SAMD5: variants seen among roughly 807,000 people sequenced by gnomAD.
The protein encoded by SAMD5 is sterile alpha motif domain-containing protein 5.
Under a neutral mutation model 11.3 loss-of-function variants are expected in SAMD5, and 13 were observed. That is an observed-to-expected ratio of 1.15 (90% CI 0.75 to 1.83). SAMD5 has a LOEUF of 1.83. Among genes scored for constraint, SAMD5 ranks in the 40% most tolerant of loss-of-function variants. The pLI, the probability that SAMD5 is intolerant of heterozygous loss-of-function variation, is 0.00. For missense variants in SAMD5, 255 were observed against 239.1 expected (o/e 1.07, Z -0.44); for synonymous variants, 129 against 111.3 (o/e 1.16, Z -1.00).
chr6:147,609,426 C>T (rs1209139615), intron 1 of SAMD5, among the ~76,000 whole-genome samples: 7 of 152,232 alleles, frequency 4.6e-5, no homozygotes, highest in Non-Finnish European at 2.9e-5. Flanking sequence ...CAATCAATCT[C>T]TGTTGTTTAA....
At chr6:147,663,791 CAA>C (rs199707045) in intron 1 of SAMD5, among the ~76,000 whole-genome samples, 5,621 of 82,850 alleles carry the variant, frequency 0.068, 68 homozygotes, top group African/African-American at 0.12. Context: ...AACTCTGTCT[CAA>C]AAAAAAAAAA....
At chr6:147,625,201 G>C (rs768046218) in intron 1 of SAMD5, among the ~76,000 whole-genome samples, 9 of 152,196 alleles carry the variant, frequency 5.9e-5, no homozygotes, top group Non-Finnish European at 8.8e-5. Flanking sequence ...GTCTCCCAGG[G>C]ATAATGGAAT....
chr6:147,865,433 A>T, the SAMD5 span, among the ~76,000 whole-genome samples: 1 of 152,162 alleles, frequency 6.6e-6, no homozygotes, highest in East Asian at 1.9e-4. Context: ...GCCCCGGATC[A>T]GGCCACCTGA....
chr6:147,754,710 C>T, the SAMD5 span, among the ~76,000 whole-genome samples: 2 of 152,064 alleles, frequency 1.3e-5, no homozygotes, highest in African/African-American at 4.8e-5. Context: ...AGATTTAAGT[C>T]TTTAATCTAT....
downstream of SAMD5, among the ~76,000 whole-genome samples, chr6:147,573,577 T>G (rs1789170082): frequency 1.3e-5 from 2 of 152,194 alleles, no homozygotes; most frequent in African/African-American, 4.8e-5. Context: ...TGTCACCATG[T>G]GACCTTACAT....
At chr6:147,904,694 A>G in the SAMD5 span, among the ~76,000 whole-genome samples, 2 of 152,160 alleles carry the variant, frequency 1.3e-5, no homozygotes. Flanking sequence ...AGCTAAGCTA[A>G]GGAGCCTGGG....
chr6:147,547,088 T>C (rs1447441568), intron 1 of SAMD5, among the ~76,000 whole-genome samples: 1 of 152,192 alleles, frequency 6.6e-6, no homozygotes. Context: ...GCTCTTTTCT[T>C]TTGTGAGAAT....
intron 1 of SAMD5, among the ~76,000 whole-genome samples, chr6:147,636,998 G>A (rs1158302734): frequency 6.6e-6 from 1 of 152,110 alleles, no homozygotes; most frequent in African/African-American, 2.4e-5. Context: ...CTAGCCAAGT[G>A]AGAACAATGA....
the SAMD5 span, among the ~76,000 whole-genome samples, chr6:147,879,638 A>G: frequency 1.3e-5 from 2 of 152,208 alleles, no homozygotes; most frequent in African/African-American, 4.8e-5. Flanking sequence ...TCGAAATGCT[A>G]TTATTAATGG....
the SAMD5 span, among the ~76,000 whole-genome samples, chr6:147,793,846 A>T: frequency 1.3e-5 from 2 of 152,262 alleles, no homozygotes; most frequent in South Asian, 4.1e-4. Flanking sequence ...TTGAAATTGG[A>T]TAGTGTGAGT....
At chr6:147,828,260 A>T in the SAMD5 span, among the ~76,000 whole-genome samples, 3 of 152,238 alleles carry the variant, frequency 2.0e-5, no homozygotes, top group Non-Finnish European at 4.4e-5. Flanking sequence ...ATGGCAAAGA[A>T]ATGCTCCATG....
chr6:147,832,996 G>A, the SAMD5 span, among the ~76,000 whole-genome samples: 1 of 152,294 alleles, frequency 6.6e-6, no homozygotes, highest in South Asian at 2.1e-4. Flanking sequence ...TTAAATAGCA[G>A]AATTGTTGTT....
At chr6:147,681,275 A>G (rs1790936749) in intron 1 of SAMD5, among the ~76,000 whole-genome samples, 1 of 152,246 alleles carries the variant, frequency 6.6e-6, no homozygotes, top group Non-Finnish European at 1.5e-5. Context: ...TCCTGTTGCT[A>G]CGTCTTCAAG....
chr6:147,798,092 T>C, the SAMD5 span, among the ~76,000 whole-genome samples: 2 of 147,748 alleles, frequency 1.4e-5, no homozygotes, highest in African/African-American at 5.1e-5. Context: ...ATTTTAGTTA[T>C]TTCTTGCCTT....
the SAMD5 span, among the ~76,000 whole-genome samples, chr6:147,891,876 G>T: frequency 6.6e-6 from 1 of 152,136 alleles, no homozygotes; most frequent in Non-Finnish European, 1.5e-5. Flanking sequence ...AAGAGCAGAG[G>T]CTGAGTTTCC....
At chr6:147,560,411 T>C (rs1263537364) in intron 1 of SAMD5, among the ~76,000 whole-genome samples, 2 of 152,160 alleles carry the variant, frequency 1.3e-5, no homozygotes, top group African/African-American at 4.8e-5. Flanking sequence ...CTGTCATCAA[T>C]TTTTTTGTTA....
intron 1 of SAMD5, among the ~76,000 whole-genome samples, chr6:147,705,378 T>C (rs1263983069): frequency 6.6e-6 from 1 of 152,212 alleles, no homozygotes; most frequent in African/African-American, 2.4e-5. Context: ...ATAAAAAGAA[T>C]AATTTCCTAA....
In SAMD5 at chr6:147,564,845, G is replaced by A. The variant is rs1789011604; in HGVS notation, c.*389G>A. The stretch of plus-strand genomic sequence containing the variant: ...CAAAAAGGTAGATTTCTGACAGTAA[G>A]TAGTAATTATATTATTTCCAAATTT... On this transcript the variant is annotated 3_prime_UTR_variant, in exon 2 of 2. Transcript: ENST00000367474. 1 of 955,250 alleles carries A rather than the reference G, an allele frequency of 1.0e-6. No individual in the cohort carries two copies. The highest frequency in any genetic ancestry group is 1.2e-6 in the Non-Finnish European group (1 of 801,286). The allele number at this position is 955,250 out of a possible 1,614,324, so 59.2% of individuals were successfully genotyped here. A position where few individuals can be genotyped will look rare whatever the true frequency, so the allele number is the denominator to read the frequency against.
At chr6:147,749,585 C>T in the SAMD5 span, among the ~76,000 whole-genome samples, 10 of 152,142 alleles carry the variant, frequency 6.6e-5, no homozygotes, top group Non-Finnish European at 1.0e-4. Context: ...TAAAGGAGTA[C>T]GAATCATTTC....
Sources: allele counts gnomAD v4.1 joint callset (sites outside exome capture counted in the v4.1 genomes callset), GRCh38; gene constraint gnomAD v4.1.1; transcripts MANE v1.5; gene names NCBI Gene and HGNC (gene_info 2026-07-23, HGNC 2026-07-21).